Variants in GALNT18 observed in about 807,000 individuals in gnomAD.
GALNT18 encodes polypeptide N-acetylgalactosaminyltransferase 18.
GALNT18 carries 44 observed loss-of-function variants against 69.5 expected under a neutral mutation model. That is an observed-to-expected ratio of 0.63 (90% CI 0.50 to 0.81). The LOEUF (loss-of-function observed/expected upper bound fraction) is 0.81. Ranked by LOEUF, GALNT18 falls within the 40% of genes least tolerant of loss-of-function variation. The probability of loss-of-function intolerance (pLI) is 0.00; values close to 1 mark genes in which losing one functional copy is unlikely to be tolerated. For synonymous variants in GALNT18, 364 were observed against 318.2 expected, an observed-to-expected ratio of 1.14 and a Z score of -1.53; for missense variants, 715 against 810.0, an observed-to-expected ratio of 0.88 and a Z score of 1.42.
In GALNT18 at chr11:11,444,762, G is replaced by A. The variant is rs1855608845; in HGVS notation, c.428+3982C>T. Among the ~76,000 whole-genome samples, 1 of 152,166 alleles carries A rather than the reference G, an allele frequency of 6.6e-6. No individual in the cohort carries two copies. Among genetic ancestry groups the A allele is most frequent in the African/African-American group, 2.4e-5 (1 of 41,438 alleles). On this transcript the variant is annotated intron_variant, in intron 2 of 10. Coordinates refer to ENST00000227756, the MANE Select transcript of GALNT18 (RefSeq NM_198516.3). The surrounding 1 kb of genome is among the most constrained non-coding windows in gnomAD (Gnocchi z 4.4). ...AGGAATGAAGCCAAGAATAACATCAGGGTTAGAATTTGGAAGAAAAGAGCC... is the reference window on the plus strand; with the variant it reads ...AGGAATGAAGCCAAGAATAACATCAAGGTTAGAATTTGGAAGAAAAGAGCC...
In GALNT18 at chr11:11,337,130, T is replaced by C. The variant is rs574119970; in HGVS notation, c.1278+3689A>G. On this transcript the variant is annotated intron_variant, in intron 7 of 10. Transcript: ENST00000227756. This position sits in a 1 kb window ranked among gnomAD's most constrained non-coding sequence, Gnocchi z 4.9. ...CTGGCACCTACCGCTCAAAATCCTC[T>C]CTGAGGATGAGACCCAGATGAGTAT... Among the ~76,000 whole-genome samples, 1 of 152,128 alleles carries C rather than the reference T, an allele frequency of 6.6e-6. No individual in the cohort carries two copies. Among genetic ancestry groups the C allele is most frequent in the Non-Finnish European group, 1.5e-5 (1 of 68,030 alleles).
chr11:11,419,682 C>A (rs554549702), intron 3 of GALNT18, among the ~76,000 whole-genome samples: 2 of 149,584 alleles, frequency 1.3e-5, no homozygotes, highest in South Asian at 4.4e-4. Context: ...CAGTAAGAAT[C>A]TTTGTGTCAA....
intron 9 of GALNT18, among the ~76,000 whole-genome samples, chr11:11,295,618 C>T (rs997876041): frequency 6.6e-5 from 10 of 152,016 alleles, no homozygotes; most frequent in African/African-American, 1.9e-4. Context: ...TGTTCCATAA[C>T]GTCAGCCTCT....
intron 6 of GALNT18, among the ~76,000 whole-genome samples, chr11:11,366,056 C>T (rs1477525688): frequency 1.3e-5 from 2 of 152,238 alleles, no homozygotes; most frequent in Non-Finnish European, 2.9e-5. Context: ...ACCATCTAGT[C>T]ATGGCAGTAG....
In GALNT18 at chr11:11,277,543, C is replaced by T. The variant is rs182836137; in HGVS notation, c.1678-6253G>A. 5.4e-3 allele frequency among the ~76,000 whole-genome samples: 819 copies of T among 152,222 alleles called. 10 individuals carry two copies. The highest frequency in any genetic ancestry group is 0.018 in the African/African-American group (762 of 41,508). Reference sequence around the variant, plus strand: ...TTAGTTATTTCTTTCCTTCTGCCAGCTTTTGAATGTGTTTGCTGCTGCTTC... The same window carrying T: ...TTAGTTATTTCTTTCCTTCTGCCAGTTTTTGAATGTGTTTGCTGCTGCTTC... On this transcript the variant is annotated intron_variant, in intron 10 of 10. Coordinates refer to ENST00000227756, the MANE Select transcript of GALNT18 (RefSeq NM_198516.3).
chr11:11,343,380 A>AT (rs1850245935), intron 6 of GALNT18, among the ~76,000 whole-genome samples: 2 of 151,872 alleles, frequency 1.3e-5, no homozygotes, highest in Non-Finnish European at 2.9e-5. Context: ...AATAATAATA[A>AT]AAAAAAGGAA....
At chr11:11,342,210 A>G in intron 6 of GALNT18, among the ~76,000 whole-genome samples, 1 of 152,192 alleles carries the variant, frequency 6.6e-6, no homozygotes, top group East Asian at 1.9e-4. Flanking sequence ...GTACTTGCTG[A>G]ATAAATAAAT....
intron 10 of GALNT18, among the ~76,000 whole-genome samples, chr11:11,279,263 TTTTC>T (rs547950084): frequency 1.5e-3 from 234 of 151,834 alleles, no homozygotes; most frequent in African/African-American, 5.2e-3. Context: ...ATTATACCTC[TTTTC>T]TTTAATTTCT....
At chr11:11,407,193 G>C (rs969676204) in intron 3 of GALNT18, among the ~76,000 whole-genome samples, 1 of 152,216 alleles carries the variant, frequency 6.6e-6, no homozygotes, top group Non-Finnish European at 1.5e-5. Flanking sequence ...GCCGTAAAGG[G>C]GAGGAGTGCC....
chr11:11,368,236 C>A (rs1395568168), intron 6 of GALNT18, among the ~76,000 whole-genome samples: 1 of 152,128 alleles, frequency 6.6e-6, no homozygotes, highest in Non-Finnish European at 1.5e-5. Flanking sequence ...GCTGTAAGAT[C>A]TTTTATTTGT....
At chr11:11,334,380 A>C (rs1052379120) in intron 7 of GALNT18, among the ~76,000 whole-genome samples, 1 of 152,044 alleles carries the variant, frequency 6.6e-6, no homozygotes, top group African/African-American at 2.4e-5. Flanking sequence ...GTCTCTACTA[A>C]AAATACAAAA....
intron 1 of GALNT18, among the ~76,000 whole-genome samples, chr11:11,580,244 T>C (rs749934307): frequency 3.3e-5 from 5 of 152,138 alleles, no homozygotes; most frequent in Non-Finnish European, 5.9e-5. Flanking sequence ...CTTGGTGAAA[T>C]ACCTCGGCAG....
chr11:11,272,164 C>T (rs1848841451), intron 10 of GALNT18, among the ~76,000 whole-genome samples: 2 of 152,130 alleles, frequency 1.3e-5, no homozygotes, highest in East Asian at 1.9e-4. Flanking sequence ...TCACTTTTTC[C>T]CCCAGAACCT....
chr11:11,462,679 T>C (rs1297209129), intron 1 of GALNT18, among the ~76,000 whole-genome samples: 1 of 152,154 alleles, frequency 6.6e-6, no homozygotes, highest in Non-Finnish European at 1.5e-5. Flanking sequence ...GTCACAATTC[T>C]AAGGTGCTCA....
intron 2 of GALNT18, among the ~76,000 whole-genome samples, chr11:11,440,483 C>G (rs148231875): frequency 6.6e-6 from 1 of 152,168 alleles, no homozygotes. Context: ...CTGATAGATC[C>G]GCAGGGCAAG....
At chr11:11,536,675 C>T (rs1198987460) in intron 1 of GALNT18, among the ~76,000 whole-genome samples, 1 of 152,176 alleles carries the variant, frequency 6.6e-6, no homozygotes, top group Admixed American at 6.5e-5. Context: ...CCTCCTGGTC[C>T]CTGCATGCCA....
At position 11,502,245 on chromosome 11, in the gene GALNT18, C is replaced by T. The variant is rs541663769; in HGVS notation, c.236-53309G>A. ...ATTTATGCGCTCCTGGGGCCCCTTG[C>T]AAACAAGCTTAAACCAACAGTACCT... On this transcript the variant is annotated intron_variant, in intron 1 of 10. Transcript: ENST00000227756. Among the ~76,000 whole-genome samples, 45 of 152,292 alleles carry T rather than the reference C, an allele frequency of 3.0e-4. 1 individual carries two copies. Among genetic ancestry groups the T allele is most frequent in the Non-Finnish European group, 5.0e-4 (34 of 68,024 alleles).
At chr11:11,350,484 C>T (rs1372424867) in intron 6 of GALNT18, among the ~76,000 whole-genome samples, 1 of 152,204 alleles carries the variant, frequency 6.6e-6, no homozygotes, top group African/African-American at 2.4e-5. Context: ...CCAGATGGGA[C>T]TCAAGACAAG....
chr11:11,299,143 A>G (rs954077837), intron 9 of GALNT18, among the ~76,000 whole-genome samples: 4 of 152,040 alleles, frequency 2.6e-5, no homozygotes, highest in African/African-American at 7.3e-5. Context: ...CCTAATGTGT[A>G]GGGTTTTTAT....
Sources: gnomAD v4.1 joint callset for allele counts (sites outside exome capture counted in the v4.1 genomes callset) on GRCh38, gnomAD v4.1.1 for gene constraint, Gnocchi (gnomAD v3.1) non-coding constraint, MANE v1.5 for transcripts, NCBI Gene and HGNC (gene_info 2026-07-23, HGNC 2026-07-21) for gene names.